The following UGT2A2 variants were observed in gnomAD, a reference collection of about 807,000 sequenced individuals.
UGT2A2 encodes the protein UDP-glucuronosyltransferase 2A2.
Under a neutral mutation model 50.7 loss-of-function variants are expected in UGT2A2, and 60 were observed. That is an observed-to-expected ratio of 1.18 (90% CI 0.96 to 1.47). The LOEUF (loss-of-function observed/expected upper bound fraction) is 1.47, where lower values mean the gene tolerates loss of function less well. Among genes scored for constraint, UGT2A2 ranks in the 40% most tolerant of loss-of-function variants. UGT2A2 has a pLI of 0.00. For missense variants in UGT2A2, 762 were observed against 634.0 expected, an observed-to-expected ratio of 1.20 and a Z score of -2.17; for synonymous variants, 242 against 214.6, an observed-to-expected ratio of 1.13 and a Z score of -1.11.
rs767771388 is a variant in UGT2A2 at position 69,618,209 on chromosome 4, G to GTT, written c.743-18816_743-18815insAA. 5.8e-3 allele frequency among the ~76,000 whole-genome samples: 639 copies of GTT among 110,408 alleles called. 1 individual carries two copies. Among genetic ancestry groups the GTT allele is most frequent in the African/African-American group, 0.012 (366 of 30,456 alleles). The allele number at this position is 110,408 out of a possible 152,430, so 72.4% of individuals were successfully genotyped here. On this transcript the variant is annotated intron_variant, in intron 1 of 5. Transcript: ENST00000604629. ...AGCATGTGTGTGTGTGTGTGTGTGTGTGTGTGTATGTTTGTGTGTGTGTGT... is the reference window on the plus strand; with the variant it reads ...AGCATGTGTGTGTGTGTGTGTGTGTGTTTGTGTGTATGTTTGTGTGTGTGTGT...
intron 1 of UGT2A2, among the ~76,000 whole-genome samples, chr4:69,621,040 A>G (rs1350443154): frequency 6.6e-6 from 1 of 152,054 alleles, no homozygotes; most frequent in Non-Finnish European, 1.5e-5. Flanking sequence ...ACCCAAAACT[A>G]TAGAAACCTA....
At chr4:69,620,563 T>C (rs1321645528) in intron 1 of UGT2A2, among the ~76,000 whole-genome samples, 2 of 151,554 alleles carry the variant, frequency 1.3e-5, no homozygotes, top group Non-Finnish European at 2.9e-5. Context: ...TTCAAAGCAA[T>C]TTAGAGATTC....
At chr4:69,627,254 A>C (rs60032794) in intron 1 of UGT2A2, among the ~76,000 whole-genome samples, 285 of 151,886 alleles carry the variant, frequency 1.9e-3, no homozygotes, top group African/African-American at 6.6e-3. Context: ...TTTGTTTTGG[A>C]ATTACTCAGA....
At chr4:69,607,002 T>A (rs1370082740) in intron 1 of UGT2A2, among the ~76,000 whole-genome samples, 1 of 136,058 alleles carries the variant, frequency 7.3e-6, no homozygotes, top group Non-Finnish European at 1.6e-5. Flanking sequence ...CCCAAGGTCA[T>A]TTATAGATTC....
chr4:69,589,226 G>A lies in UGT2A2; in HGVS notation c.*146C>T. On this transcript the variant is annotated 3_prime_UTR_variant, in exon 6 of 6. Coordinates refer to ENST00000604629, the MANE Select transcript of UGT2A2 (RefSeq NM_001105677.2). ...GCCAAAATCTAGGCTTTATCAGTAG[G>A]CTTATCGCAGGTAGAGAAATAGAAA... 1 of 1,042,768 alleles carries A rather than the reference G, an allele frequency of 9.6e-7. No homozygotes were observed. The allele number at this position is 1,042,768 out of a possible 1,614,324, so 64.6% of individuals were successfully genotyped here.
At chr4:69,594,055 A>G (rs1718758272) in intron 5 of UGT2A2, among the ~76,000 whole-genome samples, 2 of 145,222 alleles carry the variant, frequency 1.4e-5, no homozygotes. Flanking sequence ...GCTCACTGCA[A>G]CCTCCACCTC....
chr4:69,636,261 G>A (rs1057007944), intron 1 of UGT2A2, among the ~76,000 whole-genome samples: 1 of 152,124 alleles, frequency 6.6e-6, no homozygotes, highest in Non-Finnish European at 1.5e-5. Context: ...TAGCTCTCCT[G>A]CGGTCAAACA....
chr4:69,594,398 T>A, intron 5 of UGT2A2, 79 bp downstream of exon 5: 1 of 1,530,818 alleles, frequency 6.5e-7, no homozygotes, highest in South Asian at 1.3e-5. Flanking sequence ...ATTACAAAAG[T>A]ATAAAAGAAT....
rs76978959 is a variant in UGT2A2, at chr4:69,602,130, T to C, written c.743-2736A>G. Among the ~76,000 whole-genome samples, 26 of 136,480 alleles carry C rather than the reference T, an allele frequency of 1.9e-4. 8 individuals carry two copies. The highest frequency in any genetic ancestry group is 3.3e-4 in the Non-Finnish European group (21 of 64,138). 89.5% of individuals were successfully genotyped at this position (136,480 alleles called of 152,430 possible). On this transcript the variant is annotated intron_variant, in intron 1 of 5. Transcript: ENST00000604629. ...GAAAAAGTTGGACTCATTATAGTAA[T>C]GAAATGATAGCTTAAAACTGAAAAG...
chr4:69,599,464 C>G (rs1719131353), intron 1 of UGT2A2, 70 bp from the exon 2 acceptor site: 1 of 1,577,014 alleles, frequency 6.3e-7, no homozygotes, highest in Non-Finnish European at 8.5e-7. Flanking sequence ...AAAAAAGCTA[C>G]CAGTAATTTC....
intron 1 of UGT2A2, among the ~76,000 whole-genome samples, chr4:69,609,360 A>C (rs1719890792): frequency 6.6e-6 from 1 of 151,392 alleles, no homozygotes; most frequent in Non-Finnish European, 1.5e-5. Context: ...TTTCAGTTTT[A>C]ATTTTTTGTT....
In UGT2A2 at chr4:69,589,339, TTAAAAA is replaced by T; in HGVS notation, c.*27_*32del. ...TACACTACTCAGGATTTTGCCAAACTTAAAAATATATATATTTCCTCTTTTTCTTGA... is the reference window on the plus strand; with the variant it reads ...TACACTACTCAGGATTTTGCCAAACTTATATATATTTCCTCTTTTTCTTGA... On this transcript the variant is annotated 3_prime_UTR_variant, in exon 6 of 6. Coordinates refer to ENST00000604629, the MANE Select transcript of UGT2A2 (RefSeq NM_001105677.2). The T allele has an allele frequency of 6.4e-7, 1 of 1,558,166 alleles. No homozygotes were observed. Among genetic ancestry groups the T allele is most frequent in the Non-Finnish European group, 8.7e-7 (1 of 1,153,516 alleles).
intron 5 of UGT2A2, among the ~76,000 whole-genome samples, chr4:69,590,276 C>A (rs2109871264): frequency 6.6e-6 from 1 of 152,272 alleles, no homozygotes; most frequent in East Asian, 1.9e-4. Flanking sequence ...ATTGAAACAT[C>A]TCCCTAGAAT....
Position 69,588,467 on chromosome 4 carries a change from G to T in UGT2A2, c.*905C>A, listed in dbSNP as rs1718378820. ...TTTTTTGGCATAAAATTAAACTTTT[G>T]ATTACAAATAGTGATTATATATTAT... On this transcript the variant is annotated 3_prime_UTR_variant, in exon 6 of 6. Transcript: ENST00000604629. 1 of 151,882 alleles carries T rather than the reference G, an allele frequency of 6.6e-6. No individual in the cohort carries two copies. The highest frequency in any genetic ancestry group is 2.4e-5 in the African/African-American group (1 of 41,384). The allele number at this position is 151,882 out of a possible 1,614,324, so 9.4% of individuals were successfully genotyped here.
Position 69,589,499 on chromosome 4 carries a change from T to C in UGT2A2, c.1484A>G (p.Tyr495Cys). The C allele has an allele frequency of 6.2e-7, 1 of 1,614,146 alleles. No individual in the cohort carries two copies. The highest frequency in any genetic ancestry group is 8.5e-7 in the Non-Finnish European group (1 of 1,180,016). Residue 495 changes from tyrosine to cysteine, a missense_variant, in exon 6 of 6, where the codon TAC becomes TGC. By Grantham distance (194) the Tyr-to-Cys change is radical (BLOSUM62 -2). Transcript: ENST00000604629. The part of the protein sequence containing the change: ...VAAHDLTWFQ[Y>C]HSLDVIGFLL... ...GAACCCAATTACATCCAAAGAGTGG[T>C]ACTGGAACCAGGTGAGGTCATGGGC...
At position 69,606,814 on chromosome 4, in the gene UGT2A2, C is replaced by T. The variant is rs1184796397; in HGVS notation, c.743-7420G>A. ...GAGAGCCAAATCACGAGTGAGCTCCCATTCACAATTGCTTCAAAGAGAATA... is the reference window on the plus strand; with the variant it reads ...GAGAGCCAAATCACGAGTGAGCTCCTATTCACAATTGCTTCAAAGAGAATA... On this transcript the variant is annotated intron_variant, in intron 1 of 5. Transcript: ENST00000604629. 1.5e-5 allele frequency among the ~76,000 whole-genome samples: 2 copies of T among 136,502 alleles called. 1 individual carries two copies. Among genetic ancestry groups the T allele is most frequent in the Non-Finnish European group, 3.1e-5 (2 of 64,222 alleles). The allele number at this position is 136,502 out of a possible 152,430, so 89.6% of individuals were successfully genotyped here. A position where few individuals can be genotyped will look rare whatever the true frequency, so the allele number is the denominator to read the frequency against.
rs563668463 is a variant in UGT2A2 at position 69,638,057 on chromosome 4, G to A, written c.742+842C>T. On this transcript the variant is annotated intron_variant, in intron 1 of 5. Coordinates refer to ENST00000604629, the MANE Select transcript of UGT2A2 (RefSeq NM_001105677.2). The stretch of plus-strand genomic sequence containing the variant: ...GAAAAAAAGGAAGGAAAAAAGGAAC[G>A]ACCAAGGGGAGTGAGGGAGAAAGGA... Among the ~76,000 whole-genome samples, 343 of 151,982 alleles carry A rather than the reference G, an allele frequency of 2.3e-3. 1 individual carries two copies. Among genetic ancestry groups the A allele is most frequent in the Non-Finnish European group, 3.7e-3 (248 of 67,912 alleles).
intron 1 of UGT2A2, among the ~76,000 whole-genome samples, chr4:69,617,258 A>T (rs1447150854): frequency 6.6e-6 from 1 of 151,922 alleles, no homozygotes; most frequent in African/African-American, 2.4e-5. Flanking sequence ...TTCTTCAAGC[A>T]GTTTATCAAG....
chr4:69,591,490 C>T (rs1228218547), intron 5 of UGT2A2, among the ~76,000 whole-genome samples: 1 of 152,066 alleles, frequency 6.6e-6, no homozygotes, highest in Non-Finnish European at 1.5e-5. Flanking sequence ...TCCTTATTTG[C>T]AGAGGAAGCC....
Sources: gnomAD v4.1 joint callset for allele counts (sites outside exome capture counted in the v4.1 genomes callset) on GRCh38, gnomAD v4.1.1 for gene constraint, MANE v1.5 for transcripts, NCBI Gene and HGNC (gene_info 2026-07-23, HGNC 2026-07-21) for gene names.